CCSER2: variants seen among roughly 807,000 people sequenced by gnomAD.
The protein encoded by CCSER2 is coiled-coil serine rich protein 2.
CCSER2 carries 46 observed loss-of-function variants against 92.3 expected under a neutral mutation model. The ratio of observed to expected loss-of-function variants is 0.50; its 90% CI spans 0.39 to 0.64. CCSER2 has a LOEUF of 0.64. Ranked by LOEUF, CCSER2 falls within the 30% of genes least tolerant of loss-of-function variation. The pLI is 0.00. For synonymous variants in CCSER2, 433 were observed against 431.4 expected, an observed-to-expected ratio of 1.00 and a Z score of -0.04; for missense variants, 1,244 against 1,238.9, an observed-to-expected ratio of 1.00 and a Z score of -0.06.
chr10:84,495,170 A>G (rs1848380525), intron 9 of CCSER2, among the ~76,000 whole-genome samples: 1 of 142,148 alleles, frequency 7.0e-6, no homozygotes, highest in South Asian at 2.2e-4. Context: ...ATTCAGTTTG[A>G]TATGGTTTTT....
intron 3 of CCSER2, among the ~76,000 whole-genome samples, chr10:84,406,760 C>T (rs1374916100): frequency 1.3e-5 from 2 of 152,280 alleles, no homozygotes; most frequent in African/African-American, 4.8e-5. Context: ...GAGGCTGCCA[C>T]AACAAACAGG....
chr10:84,474,117 C>T (rs1846985291), intron 8 of CCSER2, among the ~76,000 whole-genome samples: 1 of 152,102 alleles, frequency 6.6e-6, no homozygotes, highest in African/African-American at 2.4e-5. Flanking sequence ...ACTACAATAC[C>T]ATAGTTAAAT....
At chr10:84,480,557 A>T (rs1847397939) in intron 9 of CCSER2, among the ~76,000 whole-genome samples, 1 of 152,220 alleles carries the variant, frequency 6.6e-6, no homozygotes, top group Non-Finnish European at 1.5e-5. Context: ...ATACTTTATG[A>T]GTAACCTGAG....
chr10:84,336,642 T>A (rs1843852719), intron 1 of CCSER2, among the ~76,000 whole-genome samples: 1 of 151,890 alleles, frequency 6.6e-6, no homozygotes, highest in African/African-American at 2.4e-5. Context: ...TGAGGGGAAA[T>A]GATTGGTAGA....
intron 9 of CCSER2, among the ~76,000 whole-genome samples, chr10:84,495,775 G>GTT (rs753940405): frequency 1.7e-3 from 220 of 133,260 alleles, no homozygotes; most frequent in Middle Eastern, 0.012. Context: ...AATTTCTTTT[G>GTT]TTTTTTTTTT....
At chr10:84,484,015 A>G (rs1341343533) in intron 9 of CCSER2, among the ~76,000 whole-genome samples, 4 of 119,206 alleles carry the variant, frequency 3.4e-5, no homozygotes, top group Admixed American at 9.6e-5. Flanking sequence ...TTTTTTTTTG[A>G]GACGGAGTCT....
intron 3 of CCSER2, among the ~76,000 whole-genome samples, chr10:84,385,936 A>G (rs920648705): frequency 2.0e-5 from 3 of 152,220 alleles, no homozygotes; most frequent in Non-Finnish European, 4.4e-5. Flanking sequence ...ATGAACAGAC[A>G]TTTCTCAAAA....
chr10:84,339,052 CT>C (rs1844017171), intron 1 of CCSER2, among the ~76,000 whole-genome samples: 1 of 150,998 alleles, frequency 6.6e-6, no homozygotes, highest in South Asian at 2.1e-4. Flanking sequence ...TCTGTTTTTG[CT>C]AAAAAAAAAT....
At chr10:84,409,432 G>A (rs1257468707) in intron 3 of CCSER2, among the ~76,000 whole-genome samples, 3 of 152,028 alleles carry the variant, frequency 2.0e-5, no homozygotes, top group African/African-American at 7.2e-5. Flanking sequence ...TAGCCACTTT[G>A]CCCATCCAGA....
At chr10:84,386,672 G>A (rs956430693) in intron 3 of CCSER2, among the ~76,000 whole-genome samples, 4 of 152,138 alleles carry the variant, frequency 2.6e-5, no homozygotes, top group Admixed American at 2.0e-4. Flanking sequence ...CGGAGGCTGC[G>A]GTGCGCTGAG....
At chr10:84,511,540 T>C (rs1849347568) in intron 9 of CCSER2, among the ~76,000 whole-genome samples, 1 of 152,248 alleles carries the variant, frequency 6.6e-6, no homozygotes, top group Non-Finnish European at 1.5e-5. Context: ...AAATTGTCAC[T>C]GATATTTTCA....
chr10:84,511,302 G>T (rs563217574), intron 9 of CCSER2, among the ~76,000 whole-genome samples: 1 of 152,294 alleles, frequency 6.6e-6, no homozygotes, highest in East Asian at 1.9e-4. Context: ...GCAGTGGTCA[G>T]TTGGGTACTG....
At chr10:84,457,034 C>A (rs1845666348) in intron 6 of CCSER2, among the ~76,000 whole-genome samples, 1 of 149,900 alleles carries the variant, frequency 6.7e-6, no homozygotes, top group South Asian at 2.1e-4. Flanking sequence ...GCTTTTTGGG[C>A]AACTATGTAC....
chr10:84,438,468 GTAT>G, intron 5 of CCSER2, 41 bp from the exon 6 acceptor site: 1 of 879,030 alleles, frequency 1.1e-6, no homozygotes, highest in Non-Finnish European at 1.7e-6. Context: ...TTCTGAAATT[GTAT>G]TGTATATCTT....
intron 3 of CCSER2, among the ~76,000 whole-genome samples, chr10:84,383,740 TG>T (rs1841042738): frequency 2.6e-5 from 4 of 152,212 alleles, no homozygotes; most frequent in Admixed American, 2.6e-4. Context: ...CATTAAACTC[TG>T]GTGAGATCAT....
At chr10:84,480,666 T>C (rs1313389390) in intron 9 of CCSER2, among the ~76,000 whole-genome samples, 3 of 152,180 alleles carry the variant, frequency 2.0e-5, no homozygotes, top group Non-Finnish European at 2.9e-5. Context: ...ATAGCAAATA[T>C]AGAAAATAGA....
chr10:84,464,150 T>C lies in CCSER2; in HGVS notation c.2148+134T>C, dbSNP rs199572878. On this transcript the variant is annotated intron_variant, in intron 7 of 9. Transcript: ENST00000372088. The stretch of plus-strand genomic sequence containing the variant: ...GGTTTGTTCTTAACTTTTGCTACTT[T>C]GTTAAGTTGAAATGATATCTCTGTG... 33 of 537,536 alleles carry C rather than the reference T, an allele frequency of 6.1e-5. No homozygotes were observed. In the East Asian group the frequency reaches 9.8e-4, roughly 16 times the overall value. The allele number at this position is 537,536 out of a possible 1,614,324, so 33.3% of individuals were successfully genotyped here.
chr10:84,353,313 G>A (rs1844970128), intron 1 of CCSER2, among the ~76,000 whole-genome samples: 1 of 152,044 alleles, frequency 6.6e-6, no homozygotes, highest in Admixed American at 6.5e-5. Flanking sequence ...TGTCTCTTGA[G>A]ATAGCAGCCC....
intron 1 of CCSER2, among the ~76,000 whole-genome samples, chr10:84,339,113 CTTTTTTTTTTGTTTT>C (rs1844023011): frequency 7.4e-6 from 1 of 135,618 alleles, no homozygotes; most frequent in South Asian, 2.3e-4. Flanking sequence ...CTTTTCTTTT[CTTTTTTTTTTGTTTT>C]TTTTTTTGCC....
Sources: allele counts gnomAD v4.1 joint callset (sites outside exome capture counted in the v4.1 genomes callset), GRCh38; gene constraint gnomAD v4.1.1; transcripts MANE v1.5; gene names NCBI Gene and HGNC (gene_info 2026-07-23, HGNC 2026-07-21).